The following DMGDH variants were observed in gnomAD, a reference collection of about 807,000 sequenced individuals.
The protein encoded by DMGDH is dimethylglycine dehydrogenase, also known as dimethylglycine dehydrogenase, mitochondrial.
Under a neutral mutation model 95.2 loss-of-function variants are expected in DMGDH, and 76 were observed. That is an observed-to-expected ratio of 0.80 (90% CI 0.66 to 0.97). The LOEUF (loss-of-function observed/expected upper bound fraction) is 0.97, where lower values mean the gene tolerates loss of function less well. Among genes scored for constraint, DMGDH ranks in the 50% least tolerant of loss-of-function variants. The probability of loss-of-function intolerance (pLI) is 0.00; values close to 1 mark genes in which losing one functional copy is unlikely to be tolerated. For synonymous variants in DMGDH, 345 were observed against 377.6 expected, an observed-to-expected ratio of 0.91 and a Z score of 1.00; for missense variants, 987 against 1,055.0, an observed-to-expected ratio of 0.94 and a Z score of 0.89.
intron 2 of DMGDH, 81 bp downstream of exon 2, chr5:79,063,532 T>C (rs1755271973): frequency 1.3e-6 from 2 of 1,545,162 alleles, no homozygotes; most frequent in Admixed American, 1.7e-5. Context: ...GAGCTCACAG[T>C]TGGGAGTTGT....
At chr5:79,000,853 T>A (rs1332466304) in intron 15 of DMGDH, 8 of 638,184 alleles carry the variant, frequency 1.3e-5, no homozygotes, top group Non-Finnish European at 1.4e-5. Context: ...ATATATTTCC[T>A]CAGGCTATTC....
At chr5:79,017,680 G>A (rs533988203) in intron 14 of DMGDH, among the ~76,000 whole-genome samples, 61 of 152,274 alleles carry the variant, frequency 4.0e-4, no homozygotes, top group African/African-American at 1.4e-3. Context: ...GAAAGCCTAT[G>A]TTCATACAAA....
intron 5 of DMGDH, 116 bp from the exon 6 acceptor site, chr5:79,044,668 G>C (rs1466343302): frequency 8.4e-7 from 1 of 1,184,186 alleles, no homozygotes; most frequent in African/African-American, 1.5e-5. Flanking sequence ...TCATGGCAAA[G>C]TCTAATAAAT....
intron 10 of DMGDH, 65 bp from the exon 11 acceptor site, chr5:79,030,099 T>C: frequency 2.2e-6 from 3 of 1,369,426 alleles, no homozygotes; most frequent in South Asian, 2.5e-5. Flanking sequence ...TTTTAACACC[T>C]ATTGAAATAA....
At chr5:79,051,524 T>C (rs1474580279) in intron 4 of DMGDH, 33 bp from the exon 5 acceptor site, 1 of 1,553,378 alleles carries the variant, frequency 6.4e-7, no homozygotes, top group African/African-American at 1.4e-5. Context: ...AATACTCAAA[T>C]ATATATATAC....
At chr5:79,063,053 T>C (rs1755256925) in intron 2 of DMGDH, among the ~76,000 whole-genome samples, 1 of 151,720 alleles carries the variant, frequency 6.6e-6, no homozygotes, top group Non-Finnish European at 1.5e-5. Context: ...GATCGCGCCA[T>C]TGCACTCCAG....
chr5:79,007,513 A>T (rs1374116200), intron 14 of DMGDH, among the ~76,000 whole-genome samples: 1 of 152,076 alleles, frequency 6.6e-6, no homozygotes, highest in Non-Finnish European at 1.5e-5. Flanking sequence ...GCTATCTTTT[A>T]AAAAGGAGAC....
At chr5:79,039,718 A>C (rs1388267182) in intron 7 of DMGDH, among the ~76,000 whole-genome samples, 1 of 151,632 alleles carries the variant, frequency 6.6e-6, no homozygotes, top group Non-Finnish European at 1.5e-5. Context: ...AATAATAATA[A>C]ATAATAATAA....
chr5:79,037,425 C>T (rs1029853245), intron 7 of DMGDH, among the ~76,000 whole-genome samples: 26 of 152,180 alleles, frequency 1.7e-4, no homozygotes, highest in African/African-American at 6.3e-4. Context: ...CCAGGAGGGG[C>T]AGCTAATGGG....
chr5:79,033,355 A>G lies in DMGDH; in HGVS notation c.1247T>C (p.Leu416Pro). 3 of 1,614,212 alleles carry G rather than the reference A, an allele frequency of 1.9e-6. No individual in the cohort carries two copies. The highest frequency in any genetic ancestry group is 2.5e-6 in the Non-Finnish European group (3 of 1,180,042). Residue 416 changes from leucine (L) to proline (P), a missense_variant, in exon 8 of 16, where the codon CTG (leucine) becomes CCG (proline). Coordinates refer to ENST00000255189, the MANE Select transcript of DMGDH (RefSeq NM_013391.3). ...GVGKYLSDWI[L>P]HGEPPFDLIE... ...CAGATCAAAAGGAGGTTCTCCATGCAGGATCCAGTCACTGAGATATTTCCC... is the reference window on the plus strand; with the variant it reads ...CAGATCAAAAGGAGGTTCTCCATGCGGGATCCAGTCACTGAGATATTTCCC...
At chr5:79,053,192 G>C (rs1003446091) in intron 4 of DMGDH, among the ~76,000 whole-genome samples, 1 of 151,982 alleles carries the variant, frequency 6.6e-6, no homozygotes, top group Non-Finnish European at 1.5e-5. Flanking sequence ...TCACTTCGTT[G>C]CTCAGGCTGG....
At chr5:79,016,923 A>G (rs1408731204) in intron 14 of DMGDH, among the ~76,000 whole-genome samples, 2 of 152,208 alleles carry the variant, frequency 1.3e-5, no homozygotes, top group Admixed American at 1.3e-4. Flanking sequence ...ACGAAGATAT[A>G]AAGGCAATGA....
intron 12 of DMGDH, 81 bp from the exon 13 acceptor site, chr5:79,026,662 A>G (rs1754011615): frequency 1.3e-6 from 2 of 1,581,290 alleles, no homozygotes; most frequent in East Asian, 2.3e-5. Flanking sequence ...AACACATATA[A>G]GCAGGAGAAA....
intron 4 of DMGDH, among the ~76,000 whole-genome samples, chr5:79,053,017 G>C (rs1754913165): frequency 6.6e-6 from 1 of 152,230 alleles, no homozygotes; most frequent in Non-Finnish European, 1.5e-5. Context: ...GGGAGTCAGA[G>C]AGCATGGGTT....
At chr5:79,044,654 G>A (rs546548778) in intron 5 of DMGDH, 102 bp from the exon 6 acceptor site, 2 of 1,330,346 alleles carry the variant, frequency 1.5e-6, no homozygotes, top group African/African-American at 2.9e-5. Flanking sequence ...GAAGGCTTAA[G>A]TACTCATGGC....
In DMGDH at chr5:79,030,870, C is replaced by CT. The variant is rs1197942152; in HGVS notation, c.1645dup (p.Arg549LysfsTer32). On this transcript the variant is annotated frameshift_variant, in exon 10 of 16. Transcript: ENST00000255189. LOFTEE classifies it high-confidence loss of function. Reference sequence around the variant, plus strand: ...ATTTGCAAAGAGATGGTCCAGTAGTCTAATGGAATCTTGGCCTTTGATGTT... The same window carrying CT: ...ATTTGCAAAGAGATGGTCCAGTAGTCTTAATGGAATCTTGGCCTTTGATGTT... 5.6e-6 allele frequency: 9 copies of CT among 1,613,934 alleles called. No homozygotes were observed. In the Admixed American group the frequency reaches 1.5e-4, roughly 27 times the overall value.
At chr5:79,029,028 C>CA (rs1754078936) in intron 11 of DMGDH, among the ~76,000 whole-genome samples, 1 of 152,182 alleles carries the variant, frequency 6.6e-6, no homozygotes, top group Non-Finnish European at 1.5e-5. Context: ...AGGAGGCACA[C>CA]TTATGTTGCT....
Position 79,028,541 on chromosome 5 carries a change from G to A in DMGDH, c.1924C>T (p.Gln642Ter), listed in dbSNP as rs199926747. 7 of 1,614,114 alleles carry A rather than the reference G, an allele frequency of 4.3e-6. No homozygotes were observed. Among genetic ancestry groups the A allele is most frequent in the Non-Finnish European group, 5.9e-6 (7 of 1,180,018 alleles). The stretch of plus-strand genomic sequence containing the variant: ...CTAAGATCTTCAGAGGTCAGTTTCT[G>A]AAGGACCTTTCTTGCCTGTGGCCCA... ...VAGPQARKVL[Q>*]KLTSEDLSDD... Residue 642 changes from glutamine (Q) to a stop codon, truncating the protein, a stop_gained, in exon 12 of 16, where the codon CAG (glutamine) becomes TAG (stop). Coordinates refer to ENST00000255189, the MANE Select transcript of DMGDH (RefSeq NM_013391.3). LOFTEE classifies it high-confidence loss of function.
At chr5:79,000,862 T>C in intron 15 of DMGDH, 1 of 643,920 alleles carries the variant, frequency 1.6e-6, no homozygotes, top group Non-Finnish European at 2.8e-6. Flanking sequence ...CTCAGGCTAT[T>C]CAATAAATGG....
Sources: gnomAD v4.1 joint callset for allele counts (sites outside exome capture counted in the v4.1 genomes callset) on GRCh38, gnomAD v4.1.1 for gene constraint, MANE v1.5 for transcripts, NCBI Gene and HGNC (gene_info 2026-07-23, HGNC 2026-07-21) for gene names.